The following ARHGAP32 variants were observed in gnomAD, a reference collection of about 807,000 sequenced individuals.
ARHGAP32 encodes the protein rho GTPase-activating protein 32.
Under a neutral mutation model 186.5 loss-of-function variants are expected in ARHGAP32, and 51 were observed. The observed-to-expected ratio is 0.27, with a 90% CI of 0.22 to 0.35. The LOEUF (loss-of-function observed/expected upper bound fraction) is 0.35, where lower values mean the gene tolerates loss of function less well. Among genes scored for constraint, ARHGAP32 ranks in the 10% least tolerant of loss-of-function variants. The pLI, the probability that ARHGAP32 is intolerant of heterozygous loss-of-function variation, is 1.00. For synonymous variants in ARHGAP32, 950 were observed against 964.3 expected (o/e 0.99, Z 0.27); for missense variants, 2,186 against 2,623.5 (o/e 0.83, Z 3.64).
chr11:129,170,405 C>T (rs1943734602), intron 1 of ARHGAP32, among the ~76,000 whole-genome samples: 1 of 152,032 alleles, frequency 6.6e-6, no homozygotes, highest in Admixed American at 6.6e-5. Flanking sequence ...TGTTCAACTC[C>T]CAATTATGGA....
chr11:129,149,792 T>A (rs1943248571), intron 2 of ARHGAP32, among the ~76,000 whole-genome samples: 1 of 151,914 alleles, frequency 6.6e-6, no homozygotes, highest in Non-Finnish European at 1.5e-5. Flanking sequence ...AGAAGAACTC[T>A]CTGATTTGCC....
At chr11:129,020,324 T>C (rs1341164899) in intron 11 of ARHGAP32, among the ~76,000 whole-genome samples, 1 of 152,136 alleles carries the variant, frequency 6.6e-6, no homozygotes, top group Non-Finnish European at 1.5e-5. Flanking sequence ...TTTAGTTCCA[T>C]GAATGCTTAG....
chr11:129,050,063 A>G (rs191385750), intron 10 of ARHGAP32, among the ~76,000 whole-genome samples: 2 of 152,354 alleles, frequency 1.3e-5, no homozygotes, highest in African/African-American at 4.8e-5. Context: ...TGCAGTTTCC[A>G]AGAACCAACC....
chr11:129,221,834 T>C (rs1017260243), intron 1 of ARHGAP32, among the ~76,000 whole-genome samples: 9 of 152,012 alleles, frequency 5.9e-5, no homozygotes, highest in African/African-American at 2.2e-4. Flanking sequence ...TTTTAAATAG[T>C]AGGCAATGGG....
At chr11:129,155,429 C>T (rs555343897) in intron 2 of ARHGAP32, among the ~76,000 whole-genome samples, 6 of 152,194 alleles carry the variant, frequency 3.9e-5, no homozygotes, top group African/African-American at 1.4e-4. Flanking sequence ...TACAATGACA[C>T]CACAGCTGTG....
intron 1 of ARHGAP32, among the ~76,000 whole-genome samples, chr11:129,223,024 CTTAA>C (rs1202696671): frequency 1.3e-5 from 2 of 152,234 alleles, no homozygotes; most frequent in East Asian, 3.9e-4. Flanking sequence ...AAAAGGTAAA[CTTAA>C]TTGTTGTAAT....
intron 22 of ARHGAP32, 138 bp from the exon 23 acceptor site, chr11:128,971,297 T>C: frequency 1.5e-6 from 1 of 653,670 alleles, no homozygotes; most frequent in Admixed American, 3.1e-5. Flanking sequence ...GCAATGAATC[T>C]GTACCCATTT....
At chr11:129,130,475 C>A (rs1051636208) in intron 2 of ARHGAP32, among the ~76,000 whole-genome samples, 21 of 151,490 alleles carry the variant, frequency 1.4e-4, no homozygotes, top group African/African-American at 5.1e-4. Flanking sequence ...AAATTACAAA[C>A]AAGGAAGTTA....
chr11:129,199,732 G>A (rs751792132), intron 1 of ARHGAP32, among the ~76,000 whole-genome samples: 68 of 152,214 alleles, frequency 4.5e-4, no homozygotes, highest in Admixed American at 1.8e-3. Context: ...CCCACACAGA[G>A]CCCCCACTGG....
chr11:128,997,552 T>C (rs575677280), intron 12 of ARHGAP32, among the ~76,000 whole-genome samples: 1 of 152,320 alleles, frequency 6.6e-6, no homozygotes, highest in African/African-American at 2.4e-5. Flanking sequence ...CCTGCCTTCA[T>C]CTTCTGGCAT....
chr11:128,978,855 G>C lies in ARHGAP32; in HGVS notation c.2037C>G (p.Asn679Lys). ...TAGAAACAGATGATGATTTCCCCAA[G>C]TTGAAAAAGGAACGCCAGCTACCCA... ...SPVGSWRSFF[N>K]LGKSSSVSKR... The change falls in exon 19 of 23, where the codon AAC (asparagine) becomes AAG (lysine). Residue 679 changes from asparagine to lysine, a missense_variant. Asn to Lys is a moderately conservative substitution (Grantham distance 94). Transcript: ENST00000682385. 6.2e-7 allele frequency: 1 copy of C among 1,612,232 alleles called. No homozygotes were observed.
chr11:129,257,744 A>C (rs1172248138), intron 1 of ARHGAP32, among the ~76,000 whole-genome samples: 1 of 151,732 alleles, frequency 6.6e-6, no homozygotes, highest in Non-Finnish European at 1.5e-5. Flanking sequence ...AATCCTAAAC[A>C]GAGTACTTAC....
chr11:128,973,642 G>C, intron 21 of ARHGAP32: 1 of 588,988 alleles, frequency 1.7e-6, no homozygotes, highest in African/African-American at 1.9e-5. Context: ...TATAAAGACT[G>C]CAATCTCTTC....
chr11:129,106,799 G>C (rs896238747), intron 5 of ARHGAP32, among the ~76,000 whole-genome samples: 1 of 152,026 alleles, frequency 6.6e-6, no homozygotes, highest in African/African-American at 2.4e-5. Flanking sequence ...TGAACAGAAA[G>C]AAGAAATAAT....
At chr11:129,172,776 C>A (rs1943795569) in intron 1 of ARHGAP32, among the ~76,000 whole-genome samples, 1 of 152,134 alleles carries the variant, frequency 6.6e-6, no homozygotes, top group Non-Finnish European at 1.5e-5. Flanking sequence ...ATACTAGAAT[C>A]TCTGGGACAC....
intron 6 of ARHGAP32, among the ~76,000 whole-genome samples, chr11:129,083,201 A>G (rs971884936): frequency 1.3e-5 from 2 of 152,244 alleles, no homozygotes; most frequent in African/African-American, 4.8e-5. Flanking sequence ...TTAAAAGTAG[A>G]TCTACCTTTT....
chr11:129,093,591 A>G, intron 6 of ARHGAP32, 30 bp downstream of exon 6: 1 of 1,489,756 alleles, frequency 6.7e-7, no homozygotes, highest in Non-Finnish European at 9.3e-7. Context: ...TTAACTTCAT[A>G]TGAAATGGAG....
At chr11:129,142,764 G>C (rs546897685) in intron 2 of ARHGAP32, among the ~76,000 whole-genome samples, 1 of 151,094 alleles carries the variant, frequency 6.6e-6, no homozygotes, top group African/African-American at 2.4e-5. Flanking sequence ...AGTATAATAA[G>C]ACTTGATCAA....
intron 1 of ARHGAP32, among the ~76,000 whole-genome samples, chr11:129,173,585 A>C (rs1376001508): frequency 6.6e-6 from 1 of 152,224 alleles, no homozygotes. Context: ...ATACTGGAAA[A>C]TTGAATCCAG....
Sources: gnomAD v4.1 joint callset for allele counts (sites outside exome capture counted in the v4.1 genomes callset) on GRCh38, gnomAD v4.1.1 for gene constraint, MANE v1.5 for transcripts, NCBI Gene and HGNC (gene_info 2026-07-23, HGNC 2026-07-21) for gene names.